The following RALGAPA2 variants were observed in gnomAD, a reference collection of about 807,000 sequenced individuals.
RALGAPA2 encodes ral GTPase-activating protein subunit alpha-2.
A neutral mutation model predicts 230.4 loss-of-function variants in RALGAPA2; 139 were observed. The observed-to-expected ratio is 0.60, with a 90% confidence interval of 0.53 to 0.69. The LOEUF is 0.69. RALGAPA2 is among the 30% of genes least tolerant of loss of function. The probability of loss-of-function intolerance (pLI) is 0.00; values close to 1 mark genes in which losing one functional copy is unlikely to be tolerated. For missense variants in RALGAPA2, 2,163 were observed against 2,276.0 expected, an observed-to-expected ratio of 0.95 and a Z score of 1.01; for synonymous variants, 847 against 837.8, an observed-to-expected ratio of 1.01 and a Z score of -0.19.
At chr20:20,419,747 T>G (rs2060238505) in intron 37 of RALGAPA2, among the ~76,000 whole-genome samples, 1 of 152,212 alleles carries the variant, frequency 6.6e-6, no homozygotes, top group South Asian at 2.1e-4. Context: ...TAAGCATAGA[T>G]TTCTATACAT....
intron 36 of RALGAPA2, among the ~76,000 whole-genome samples, chr20:20,475,044 C>G (rs6112908): frequency 6.6e-6 from 1 of 152,112 alleles, no homozygotes; most frequent in African/African-American, 2.4e-5. Flanking sequence ...AGCACTGTAC[C>G]TGACACACAA....
At chr20:20,702,746 C>T (rs1387969611) in intron 1 of RALGAPA2, among the ~76,000 whole-genome samples, 1 of 152,184 alleles carries the variant, frequency 6.6e-6, no homozygotes, top group Non-Finnish European at 1.5e-5. Context: ...AAGTACCATG[C>T]TTGTACTTTC....
At chr20:20,473,043 G>A in intron 36 of RALGAPA2, 87 bp from the exon 37 acceptor site, 1 of 1,381,320 alleles carries the variant, frequency 7.2e-7, no homozygotes, top group Non-Finnish European at 9.9e-7. Context: ...TGTCAGACCT[G>A]CAATGAGCAC....
intron 4 of RALGAPA2, among the ~76,000 whole-genome samples, chr20:20,653,071 C>G (rs1409320185): frequency 1.3e-5 from 2 of 151,686 alleles, no homozygotes; most frequent in African/African-American, 4.8e-5. Flanking sequence ...TGGCGCATGC[C>G]TGTAATCCCA....
At chr20:20,607,944 G>A (rs574079621) in intron 14 of RALGAPA2, among the ~76,000 whole-genome samples, 1 of 152,218 alleles carries the variant, frequency 6.6e-6, no homozygotes, top group East Asian at 1.9e-4. Flanking sequence ...GTGAGTGGTG[G>A]CACCTGTGGA....
At chr20:20,399,564 C>A (rs556076860) in intron 38 of RALGAPA2, among the ~76,000 whole-genome samples, 1 of 152,124 alleles carries the variant, frequency 6.6e-6, no homozygotes, top group African/African-American at 2.4e-5. Context: ...AGAGTTGAGC[C>A]GGGGGAATCC....
chr20:20,544,830 T>C (rs912182522), intron 24 of RALGAPA2, among the ~76,000 whole-genome samples: 7 of 137,408 alleles, frequency 5.1e-5, no homozygotes, highest in African/African-American at 1.1e-4. Context: ...TGAGAACATA[T>C]GGACACAGCG....
chr20:20,647,949 TAGTTAAAC>T (rs2067270592), intron 4 of RALGAPA2, among the ~76,000 whole-genome samples: 1 of 152,194 alleles, frequency 6.6e-6, no homozygotes. Flanking sequence ...AACAGTCTAG[TAGTTAAAC>T]ATACACTGTT....
intron 37 of RALGAPA2, among the ~76,000 whole-genome samples, chr20:20,466,362 T>C (rs1031737903): frequency 2.6e-5 from 4 of 152,238 alleles, no homozygotes; most frequent in African/African-American, 7.2e-5. Flanking sequence ...TGGGCTGGAT[T>C]TGGTGTGCTG....
At chr20:20,651,182 T>C (rs1389498299) in intron 4 of RALGAPA2, among the ~76,000 whole-genome samples, 3 of 152,238 alleles carry the variant, frequency 2.0e-5, no homozygotes, top group South Asian at 2.1e-4. Flanking sequence ...ACGCACCACA[T>C]TGTCATTCTA....
rs757194164 is a variant in RALGAPA2 at position 20,392,144 on chromosome 20, C to A, written c.*1145G>T. 6.6e-6 allele frequency: 1 copy of A among 152,112 alleles called. No homozygotes were observed. The highest frequency in any genetic ancestry group is 1.5e-5 in the Non-Finnish European group (1 of 68,036). The allele number at this position is 152,112 out of a possible 1,614,324, so 9.4% of individuals were successfully genotyped here. A position where few individuals can be genotyped will look rare whatever the true frequency, so the allele number is the denominator to read the frequency against. The stretch of plus-strand genomic sequence containing the variant: ...GGGCGCCCCAGCAGGAGAGGGCTCA[C>A]CATTGCTTCTCTTTTCATTCATTCA... On this transcript the variant is annotated 3_prime_UTR_variant, in exon 40 of 40. Transcript: ENST00000202677.
chr20:20,526,335 C>A lies in RALGAPA2; in HGVS notation c.3610G>T (p.Ala1204Ser). The stretch of plus-strand genomic sequence containing the variant: ...ACCAGCAACTGAAGGACATCGCAAG[C>A]TACCTGGGCCACGATTTTGTTGGGA... The part of the protein sequence containing the change: ...KFPNKIVAQV[A>S]CDVLQLLVSY... Residue 1204 changes from alanine to serine, a missense_variant, in exon 28 of 40, where the codon GCT (alanine) becomes TCT (serine). Transcript: ENST00000202677. 1.2e-6 allele frequency: 2 copies of A among 1,600,998 alleles called. No homozygotes were observed. Among genetic ancestry groups the A allele is most frequent in the Non-Finnish European group, 1.7e-6 (2 of 1,176,270 alleles).
intron 3 of RALGAPA2, among the ~76,000 whole-genome samples, chr20:20,659,084 G>T (rs962536962): frequency 6.6e-6 from 1 of 152,152 alleles, no homozygotes; most frequent in Non-Finnish European, 1.5e-5. Flanking sequence ...AACAGATTTG[G>T]TTTAAAAGAA....
rs760297220 is a variant in RALGAPA2 at position 20,684,673 on chromosome 20, G to A, written c.107-3872C>T. ...TGTGTTGAGAACTCCTCAGTGGTCT[G>A]GGCACGCTCTTCACACAATTCCCCC... On this transcript the variant is annotated intron_variant, in intron 1 of 39. Transcript: ENST00000202677. Among the ~76,000 whole-genome samples the A allele has an allele frequency of 1.3e-5, 2 of 152,104 alleles. 1 individual carries two copies. The highest frequency in any genetic ancestry group is 4.1e-4 in the South Asian group (2 of 4,826).
chr20:20,497,051 A>G (rs931044637), intron 35 of RALGAPA2, among the ~76,000 whole-genome samples: 1 of 152,240 alleles, frequency 6.6e-6, no homozygotes, highest in East Asian at 1.9e-4. Flanking sequence ...TACCCAGTAC[A>G]TCATTTTTTT....
intron 3 of RALGAPA2, among the ~76,000 whole-genome samples, chr20:20,672,307 G>C (rs1190419457): frequency 6.6e-6 from 1 of 152,084 alleles, no homozygotes; most frequent in Admixed American, 6.5e-5. Flanking sequence ...AAAAAAAGAA[G>C]CCACTGTGAA....
intron 20 of RALGAPA2, among the ~76,000 whole-genome samples, chr20:20,581,324 AAC>A (rs754988450): frequency 6.6e-6 from 1 of 152,202 alleles, no homozygotes; most frequent in Non-Finnish European, 1.5e-5. Flanking sequence ...AAGTAAATTC[AAC>A]CTACTGAAGC....
intron 10 of RALGAPA2, among the ~76,000 whole-genome samples, chr20:20,624,573 T>A (rs1163667901): frequency 2.6e-5 from 4 of 152,106 alleles, no homozygotes; most frequent in African/African-American, 9.7e-5. Context: ...GCTATATTTA[T>A]AATATAAATG....
intron 24 of RALGAPA2, among the ~76,000 whole-genome samples, chr20:20,540,223 C>A (rs1176771726): frequency 6.6e-6 from 1 of 152,136 alleles, no homozygotes; most frequent in Non-Finnish European, 1.5e-5. Flanking sequence ...TACCTTCCCA[C>A]CAAAAGTGTA....
Sources: gnomAD v4.1 joint callset for allele counts (sites outside exome capture counted in the v4.1 genomes callset) on GRCh38, gnomAD v4.1.1 for gene constraint, MANE v1.5 for transcripts, NCBI Gene and HGNC (gene_info 2026-07-23, HGNC 2026-07-21) for gene names.